The following DACH2 variants were observed in gnomAD, a reference collection of about 807,000 sequenced individuals.
DACH2 encodes dachshund family transcription factor 2, also known as dachshund homolog 2.
In DACH2, 17 loss-of-function variants were observed where a neutral mutation model predicts 35.8. The observed-to-expected ratio is 0.48, with a 90% CI of 0.33 to 0.71. The LOEUF is 0.71. DACH2 is among the 30% of genes least tolerant of loss of function. DACH2 has a pLI of 0.02. For synonymous variants in DACH2, 195 were observed against 177.3 expected (o/e 1.10, Z -0.79); for missense variants, 469 against 472.7 (o/e 0.99, Z 0.07).
At chrX:86,580,916 A>G (rs1414643918) in intron 3 of DACH2, among the ~76,000 whole-genome samples, 2 of 111,460 alleles carry the variant, frequency 1.8e-5, no homozygotes, top group Non-Finnish European at 3.8e-5. Flanking sequence ...CAAGATGACA[A>G]TCCCCAGGAC....
At chrX:86,729,505 G>C (rs1287857120) in intron 6 of DACH2, among the ~76,000 whole-genome samples, 2 of 111,747 alleles carry the variant, frequency 1.8e-5, no homozygotes, top group East Asian at 2.8e-4. Context: ...GGGACTGTTG[G>C]AAAGGCATGA....
At chrX:86,332,459 C>T (rs1027560796) in intron 1 of DACH2, among the ~76,000 whole-genome samples, 2 of 111,411 alleles carry the variant, frequency 1.8e-5, no homozygotes, top group African/African-American at 3.3e-5. Context: ...GACTGCAGTC[C>T]GGTCTTTACC....
intron 3 of DACH2, among the ~76,000 whole-genome samples, chrX:86,584,189 T>C (rs1256307886): frequency 9.0e-6 from 1 of 111,458 alleles, no homozygotes; most frequent in Non-Finnish European, 1.9e-5. Context: ...CTGTGCAATC[T>C]ATATCAGTTT....
chrX:86,468,941 G>T (rs1167333508), intron 2 of DACH2, among the ~76,000 whole-genome samples: 1 of 111,461 alleles, frequency 9.0e-6, no homozygotes, highest in Non-Finnish European at 1.9e-5. Flanking sequence ...AGCCAAATAT[G>T]GAATCAAGTT....
At chrX:86,384,287 A>G (rs942453387) in intron 2 of DACH2, among the ~76,000 whole-genome samples, 2 of 111,514 alleles carry the variant, frequency 1.8e-5, no homozygotes, top group Admixed American at 1.9e-4. Context: ...CTAAAATTGT[A>G]TAGCCCTATT....
intron 2 of DACH2, among the ~76,000 whole-genome samples, chrX:86,390,176 G>A (rs1431295966): frequency 9.0e-6 from 1 of 111,331 alleles, no homozygotes; most frequent in African/African-American, 3.3e-5. Flanking sequence ...AGCTGGCAAT[G>A]TCTCTGGTTA....
intron 2 of DACH2, among the ~76,000 whole-genome samples, chrX:86,454,712 C>T (rs1485971158): frequency 2.7e-5 from 3 of 111,781 alleles, no homozygotes; most frequent in Non-Finnish European, 5.6e-5. Context: ...CAATGGGTTA[C>T]AACATGCTCC....
chrX:86,798,148 C>T (rs987339197), intron 7 of DACH2, among the ~76,000 whole-genome samples: 1 of 111,887 alleles, frequency 8.9e-6, no homozygotes, highest in Non-Finnish European at 1.9e-5. Flanking sequence ...GCATAGTCTC[C>T]AAAGAGGGTG....
At chrX:86,363,088 A>C (rs186725069) in intron 1 of DACH2, among the ~76,000 whole-genome samples, 6 of 111,082 alleles carry the variant, frequency 5.4e-5, no homozygotes, top group African/African-American at 1.3e-4. Flanking sequence ...AATATGTGAC[A>C]ATAATTCATA....
chrX:86,431,409 C>A (rs1422516809), intron 2 of DACH2, among the ~76,000 whole-genome samples: 1 of 111,696 alleles, frequency 9.0e-6, no homozygotes, highest in Non-Finnish European at 1.9e-5. Flanking sequence ...TCCAAATGGA[C>A]TTAATTACCA....
chrX:86,535,415 G>T lies in DACH2; in HGVS notation c.640+21024G>T, dbSNP rs191052520. 2.5e-3 allele frequency among the ~76,000 whole-genome samples: 277 copies of T among 111,559 alleles called. 1 individual carries two copies. Among genetic ancestry groups the T allele is most frequent in the African/African-American group, 8.0e-3 (247 of 30,731 alleles). On this transcript the variant is annotated intron_variant, in intron 3 of 11. Transcript: ENST00000373125. ...GCCAATTGAATAGACTCCTCTCTTG[G>T]CCATGGGTATCCCAAGGAAATCTGA...
intron 1 of DACH2, among the ~76,000 whole-genome samples, chrX:86,161,765 C>T (rs1169571467): frequency 8.9e-6 from 1 of 111,941 alleles, no homozygotes; most frequent in Non-Finnish European, 1.9e-5. Flanking sequence ...TTGATATAGC[C>T]ACATTCTTAA....
In DACH2 at chrX:86,213,310, A is replaced by G. The variant is rs1034819963; in HGVS notation, c.488+64202A>G. 2.6e-4 allele frequency among the ~76,000 whole-genome samples: 29 copies of G among 111,533 alleles called. 1 individual carries two copies. Among genetic ancestry groups the G allele is most frequent in the Non-Finnish European group, 7.6e-5 (4 of 52,918 alleles). On this transcript the variant is annotated intron_variant, in intron 1 of 11. Coordinates refer to ENST00000373125, the MANE Select transcript of DACH2 (RefSeq NM_053281.3). ...ATTTATCCAAACAAGTTATTTAGAT[A>G]CAAATATTTCCCAATAGTACTGCTT...
chrX:86,577,058 G>A (rs2039444439), intron 3 of DACH2, among the ~76,000 whole-genome samples: 1 of 111,936 alleles, frequency 8.9e-6, no homozygotes, highest in Non-Finnish European at 1.9e-5. Context: ...AACACAAAAT[G>A]AACTAAGCCA....
At chrX:86,451,219 T>C (rs956770669) in intron 2 of DACH2, among the ~76,000 whole-genome samples, 5 of 112,127 alleles carry the variant, frequency 4.5e-5, no homozygotes, top group Admixed American at 3.8e-4. Flanking sequence ...TAATCCATCT[T>C]GAATTAATTT....
intron 1 of DACH2, among the ~76,000 whole-genome samples, chrX:86,335,249 C>T (rs1471296134): frequency 9.0e-6 from 1 of 111,221 alleles, no homozygotes; most frequent in Non-Finnish European, 1.9e-5. Context: ...TTTTTGGTTC[C>T]ATATAAAATT....
chrX:86,458,466 G>T (rs916711130), intron 2 of DACH2, among the ~76,000 whole-genome samples: 3 of 111,381 alleles, frequency 2.7e-5, no homozygotes, highest in African/African-American at 9.8e-5. Flanking sequence ...GAGAACACTT[G>T]TCTTGGATGA....
chrX:86,429,546 T>TTTCTC (rs2036950689), intron 2 of DACH2, among the ~76,000 whole-genome samples: 1 of 107,337 alleles, frequency 9.3e-6, no homozygotes, highest in Non-Finnish European at 1.9e-5. Flanking sequence ...TTTCTTTTCT[T>TTTCTC]TTCTTTTCTT....
intron 2 of DACH2, among the ~76,000 whole-genome samples, chrX:86,413,052 G>A (rs187886797): frequency 8.4e-4 from 93 of 111,374 alleles, no homozygotes; most frequent in African/African-American, 2.9e-3. Flanking sequence ...GGAATATCTC[G>A]ACAGGCCCCA....
Sources: allele counts gnomAD v4.1 joint callset (sites outside exome capture counted in the v4.1 genomes callset), GRCh38; gene constraint gnomAD v4.1.1; transcripts MANE v1.5; gene names NCBI Gene and HGNC (gene_info 2026-07-23, HGNC 2026-07-21).